KLHL3: variants seen among roughly 807,000 people sequenced by gnomAD.
KLHL3 encodes kelch like family member 3, also known as kelch-like protein 3.
A neutral mutation model predicts 70.5 loss-of-function variants in KLHL3; 19 were observed. The ratio of observed to expected loss-of-function variants is 0.27; its 90% confidence interval spans 0.19 to 0.40. The LOEUF (loss-of-function observed/expected upper bound fraction) is 0.40. Among genes scored for constraint, KLHL3 ranks in the 10% least tolerant of loss-of-function variants. The probability of loss-of-function intolerance (pLI) is 1.00; values close to 1 mark genes in which losing one functional copy is unlikely to be tolerated. For synonymous variants in KLHL3, 258 were observed against 290.3 expected, an observed-to-expected ratio of 0.89 and a Z score of 1.13; for missense variants, 512 against 771.1, an observed-to-expected ratio of 0.66 and a Z score of 3.98.
rs180825139 is a variant in KLHL3, at chr5:137,680,491, A to G, written c.527-2837T>C. Among the ~76,000 whole-genome samples, 10 of 152,168 alleles carry G rather than the reference A, an allele frequency of 6.6e-5. No individual in the cohort carries two copies. The East Asian group carries it at 1.4e-3, about 21-fold the overall frequency. On this transcript the variant is annotated intron_variant, in intron 5 of 14. Coordinates refer to ENST00000309755, the MANE Select transcript of KLHL3 (RefSeq NM_017415.3). ...TCTTTAGAAATGAAGGATAAATATT[A>G]CCAGCCTGTGTTCCCACTTTCCAAA...
At chr5:137,622,152 T>A in intron 14 of KLHL3, 26 bp from the exon 15 acceptor site, 1 of 1,613,878 alleles carries the variant, frequency 6.2e-7, no homozygotes, top group South Asian at 1.1e-5. Flanking sequence ...GAGAAAGTTA[T>A]CATCTTAGCT....
intron 5 of KLHL3, among the ~76,000 whole-genome samples, chr5:137,680,731 A>G (rs1184698110): frequency 6.6e-6 from 1 of 151,872 alleles, no homozygotes; most frequent in Non-Finnish European, 1.5e-5. Flanking sequence ...TTTAGTAGAG[A>G]CGGGGTTTCA....
At chr5:137,688,577 C>T (rs1752245367) in intron 5 of KLHL3, among the ~76,000 whole-genome samples, 1 of 152,212 alleles carries the variant, frequency 6.6e-6, no homozygotes, top group South Asian at 2.1e-4. Context: ...CCAACTCTAG[C>T]CACATGCACT....
At chr5:137,694,791 G>A (rs546619051) in intron 4 of KLHL3, among the ~76,000 whole-genome samples, 92 of 152,260 alleles carry the variant, frequency 6.0e-4, no homozygotes, top group African/African-American at 2.2e-3. Context: ...TAGGATAGGT[G>A]TTCATCCTAG....
chr5:137,639,772 T>G lies in KLHL3; in HGVS notation c.1021+88A>C. ...TGGGAGCCTGAAATGCACAGATGCT[T>G]GAGGAAACAAGGAGTAGCTCACGAC... is the stretch of plus-strand genomic sequence containing the variant. On this transcript the variant is annotated intron_variant, in intron 9 of 14. Coordinates refer to ENST00000309755, the MANE Select transcript of KLHL3 (RefSeq NM_017415.3). This position sits in a 1 kb window ranked among gnomAD's most constrained non-coding sequence, Gnocchi z 5.0. 3.0e-5 allele frequency: 28 copies of G among 939,544 alleles called. No individual in the cohort carries two copies. The highest frequency in any genetic ancestry group is 4.5e-5 in the Non-Finnish European group (26 of 581,320). 58.2% of individuals were successfully genotyped at this position (939,544 alleles called of 1,614,324 possible). A position where few individuals can be genotyped will look rare whatever the true frequency, so the allele number is the denominator to read the frequency against.
chr5:137,688,014 G>C (rs1483807480), intron 5 of KLHL3, among the ~76,000 whole-genome samples: 1 of 43,388 alleles, frequency 2.3e-5, no homozygotes, highest in Non-Finnish European at 4.3e-5. Context: ...AAGTACCCAG[G>C]GACACAAACA....
rs2149885078 is a variant in KLHL3, at chr5:137,639,359, T to C, written c.1022-209A>G. ...TTCAAGTAAATATTTGAATCAGCTTTAACTCCCCAAGCTCATAAGAACTGA... is the reference window on the plus strand; with the variant it reads ...TTCAAGTAAATATTTGAATCAGCTTCAACTCCCCAAGCTCATAAGAACTGA... On this transcript the variant is annotated intron_variant, in intron 9 of 14. Coordinates refer to ENST00000309755, the MANE Select transcript of KLHL3 (RefSeq NM_017415.3). This position sits in a 1 kb window ranked among gnomAD's most constrained non-coding sequence, Gnocchi z 5.0. 6.6e-6 allele frequency among the ~76,000 whole-genome samples: 1 copy of C among 152,292 alleles called. No individual in the cohort carries two copies. Among genetic ancestry groups the C allele is most frequent in the East Asian group, 1.9e-4 (1 of 5,184 alleles).
Position 137,622,086 on chromosome 5 carries a change from T to A in KLHL3, c.*12A>T. 1 of 1,614,026 alleles carries A rather than the reference T, an allele frequency of 6.2e-7. No homozygotes were observed. The highest frequency in any genetic ancestry group is 8.5e-7 in the Non-Finnish European group (1 of 1,179,894). On this transcript the variant is annotated 3_prime_UTR_variant, in exon 15 of 15. Coordinates refer to ENST00000309755, the MANE Select transcript of KLHL3 (RefSeq NM_017415.3). The stretch of plus-strand genomic sequence containing the variant: ...TGCTCCTTCCTCCACCTCCTGGCAG[T>A]AGGAGTTTGGGTCACAAGGACTTGT...
At chr5:137,734,455 C>T (rs1580793593) in intron 1 of KLHL3, among the ~76,000 whole-genome samples, 1 of 152,198 alleles carries the variant, frequency 6.6e-6, no homozygotes, top group Non-Finnish European at 1.5e-5. Context: ...AGGGCCTCTA[C>T]AGACAAAAGA....
At chr5:137,625,961 A>G (rs1750451005) in intron 13 of KLHL3, 65 bp from the exon 14 acceptor site, 2 of 1,594,630 alleles carry the variant, frequency 1.3e-6, no homozygotes, top group South Asian at 2.2e-5. Context: ...AGAATTGATC[A>G]AGAGACAAAT....
chr5:137,638,617 G>C lies in KLHL3; in HGVS notation c.1219+336C>G, dbSNP rs1290198284. ...TGGACTCAGCTCCCTCATCTGTCTA[G>C]CAAAGGGTTCAAACTGGAGACCTGA... On this transcript the variant is annotated intron_variant, in intron 10 of 14. Transcript: ENST00000309755. Among the ~76,000 whole-genome samples the C allele has an allele frequency of 4.1e-4, 62 of 152,180 alleles. 1 individual carries two copies. The highest frequency in any genetic ancestry group is 1.0e-4 in the Non-Finnish European group (7 of 68,036).
intron 1 of KLHL3, chr5:137,720,806 A>G: frequency 7.3e-7 from 1 of 1,377,554 alleles, no homozygotes; most frequent in Non-Finnish European, 9.4e-7. Flanking sequence ...AGCTTCTTCC[A>G]CCAAGTACTG....
intron 14 of KLHL3, among the ~76,000 whole-genome samples, chr5:137,623,093 AC>A (rs1370743695): frequency 1.3e-5 from 2 of 152,192 alleles, no homozygotes; most frequent in African/African-American, 4.8e-5. Context: ...GAGAAGAGAA[AC>A]CTGGTTCTGT....
chr5:137,692,322 G>C lies in KLHL3; in HGVS notation c.489C>G (p.Thr163=), dbSNP rs1486228174. Residue 163 remains threonine (T), a synonymous_variant, in exon 5 of 15, where the codon ACC becomes ACG. Transcript: ENST00000309755. ...TGGCCTGCTGCAGAAGGTCAGTGCA[G>C]GTGTGTACATCTGCAAATGCACGGA... ...LGIRAFADVH[T]CTDLLQQANA... is the part of the protein sequence containing the mutation. 1 of 1,613,220 alleles carries C rather than the reference G, an allele frequency of 6.2e-7. No individual in the cohort carries two copies. Among genetic ancestry groups the C allele is most frequent in the Non-Finnish European group, 8.5e-7 (1 of 1,179,940 alleles).
intron 5 of KLHL3, among the ~76,000 whole-genome samples, chr5:137,679,822 G>A (rs955302573): frequency 2.6e-5 from 4 of 152,192 alleles, no homozygotes; most frequent in African/African-American, 9.7e-5. Context: ...AGCAGTATCT[G>A]GTGGGGAAGG....
rs1466025396 is a variant in KLHL3 at position 137,662,126 on chromosome 5, A to G, written c.637-95T>C. 13 of 630,816 alleles carry G rather than the reference A, an allele frequency of 2.1e-5. 1 individual carries two copies. Among genetic ancestry groups the G allele is most frequent in the Middle Eastern group, 3.4e-4 (1 of 2,942 alleles). 39.1% of individuals were successfully genotyped at this position (630,816 alleles called of 1,614,324 possible). A position where few individuals can be genotyped will look rare whatever the true frequency, so the allele number is the denominator to read the frequency against. ...AAAAAAAAAAAAAAAGAGAGAGAGA[A>G]AAAGTTATGAGTCATCCACAAAGGT... On this transcript the variant is annotated intron_variant, in intron 6 of 14. Transcript: ENST00000309755.
chr5:137,731,253 A>G (rs1210551464), intron 1 of KLHL3, among the ~76,000 whole-genome samples: 1 of 152,210 alleles, frequency 6.6e-6, no homozygotes, highest in Non-Finnish European at 1.5e-5. Flanking sequence ...AGTATTTCCA[A>G]AATGGAAAAA....
At chr5:137,675,893 G>T (rs1751872884) in intron 6 of KLHL3, among the ~76,000 whole-genome samples, 1 of 152,158 alleles carries the variant, frequency 6.6e-6, no homozygotes, top group South Asian at 2.1e-4. Context: ...TGCTCAGGGG[G>T]GCCCCAAATT....
rs551738373 is a variant in KLHL3, at chr5:137,631,931, AAAGGAG to A, written c.1450+2100_1450+2105del. Reference sequence around the variant, plus strand: ...TAGTAGGATTATATACAGCAAAATGAAAGGAGGAGGAGGAGGTAAAATAAAATGTTA... The same window carrying A: ...TAGTAGGATTATATACAGCAAAATGAGAGGAGGAGGTAAAATAAAATGTTA... On this transcript the variant is annotated intron_variant, in intron 12 of 14. Coordinates refer to ENST00000309755, the MANE Select transcript of KLHL3 (RefSeq NM_017415.3). 3.0e-3 allele frequency among the ~76,000 whole-genome samples: 397 copies of A among 131,146 alleles called. 1 individual carries two copies. The highest frequency in any genetic ancestry group is 7.9e-3 in the Middle Eastern group (2 of 252). The allele number at this position is 131,146 out of a possible 152,430, so 86.0% of individuals were successfully genotyped here.
Sources: gnomAD v4.1 joint callset for allele counts (sites outside exome capture counted in the v4.1 genomes callset) on GRCh38, gnomAD v4.1.1 for gene constraint, Gnocchi (gnomAD v3.1) non-coding constraint, MANE v1.5 for transcripts, NCBI Gene and HGNC (gene_info 2026-07-23, HGNC 2026-07-21) for gene names.